DCDC2: variants seen among roughly 807,000 people sequenced by gnomAD.
The protein encoded by DCDC2 is doublecortin domain-containing protein 2.
DCDC2 carries 40 observed loss-of-function variants against 50.2 expected under a neutral mutation model. The ratio of observed to expected loss-of-function variants is 0.80; its 90% confidence interval spans 0.62 to 1.04. DCDC2 has a LOEUF of 1.04. Ranked by LOEUF, DCDC2 falls within the 50% of genes least tolerant of loss-of-function variation. The pLI is 0.00. For synonymous variants in DCDC2, 234 were observed against 210.6 expected (o/e 1.11, Z -0.96); for missense variants, 570 against 581.9 (o/e 0.98, Z 0.21).
At chr6:24,248,717 C>T (rs998955371) in intron 7 of DCDC2, among the ~76,000 whole-genome samples, 36 of 151,900 alleles carry the variant, frequency 2.4e-4, no homozygotes, top group Admixed American at 2.2e-3. Context: ...GATGACTTAC[C>T]CAGATGAAAA....
At chr6:24,348,975 A>C (rs1441595844) in intron 2 of DCDC2, among the ~76,000 whole-genome samples, 2 of 152,234 alleles carry the variant, frequency 1.3e-5, no homozygotes, top group African/African-American at 4.8e-5. Flanking sequence ...AACATGTACC[A>C]AAGCCCCTTA....
chr6:24,348,054 T>C (rs1297398968), intron 2 of DCDC2, among the ~76,000 whole-genome samples: 1 of 152,156 alleles, frequency 6.6e-6, no homozygotes, highest in Non-Finnish European at 1.5e-5. Context: ...AACTCTGATG[T>C]ATATGTTAAA....
chr6:24,267,173 GA>G (rs1382181970), intron 7 of DCDC2, among the ~76,000 whole-genome samples: 1 of 152,192 alleles, frequency 6.6e-6, no homozygotes, highest in Non-Finnish European at 1.5e-5. Flanking sequence ...TAGTGAGGGT[GA>G]GGAGTGGAGA....
chr6:24,359,044 T>C (rs867971488), upstream of DCDC2, among the ~76,000 whole-genome samples: 15 of 39,234 alleles, frequency 3.8e-4, no homozygotes, highest in East Asian at 6.8e-3. Context: ...TTATATATAT[T>C]ATATATTTTA....
intron 7 of DCDC2, among the ~76,000 whole-genome samples, chr6:24,240,374 A>G (rs1201293468): frequency 6.6e-6 from 1 of 152,206 alleles, no homozygotes. Flanking sequence ...GCATCATGCA[A>G]TTTATCTCCT....
intron 7 of DCDC2, among the ~76,000 whole-genome samples, chr6:24,243,701 C>A (rs186266196): frequency 5.9e-5 from 9 of 152,254 alleles, no homozygotes; most frequent in African/African-American, 2.2e-4. Context: ...TTGTCCCTGG[C>A]TACATGGCTG....
intron 2 of DCDC2, among the ~76,000 whole-genome samples, chr6:24,345,660 T>C (rs894841968): frequency 3.3e-5 from 5 of 152,204 alleles, no homozygotes; most frequent in African/African-American, 1.2e-4. Flanking sequence ...TGAGGCAGCA[T>C]TTCTCTGAAG....
chr6:24,248,522 T>C (rs1762733453), intron 7 of DCDC2, among the ~76,000 whole-genome samples: 1 of 152,218 alleles, frequency 6.6e-6, no homozygotes, highest in African/African-American at 2.4e-5. Context: ...AGTATTAGTA[T>C]TAGTATCATT....
chr6:24,358,454 G>A (rs576417223), upstream of DCDC2, among the ~76,000 whole-genome samples: 40 of 145,154 alleles, frequency 2.8e-4, no homozygotes, highest in Middle Eastern at 3.6e-3. Context: ...TCTCTATAAC[G>A]CGCCTGTGAT....
Position 24,353,575 on chromosome 6 carries a change from A to G in DCDC2, c.342T>C (p.Asn114=). Residue 114 remains asparagine, a synonymous_variant, in exon 2 of 10, where the codon AAT becomes AAC. Transcript: ENST00000378454. ...AAAATAATATTTGCATTACCTCTGT[A>G]TTAACAACTTCCATTGGTCTTTTCT... ...EIKKRPMEVV[N]TEVKPVIHSR... is the part of the protein sequence containing the mutation. 6.3e-7 allele frequency: 1 copy of G among 1,576,588 alleles called. No individual in the cohort carries two copies. Among genetic ancestry groups the G allele is most frequent in the Middle Eastern group, 1.7e-4 (1 of 5,934 alleles).
chr6:24,256,371 T>C (rs1335225261), intron 7 of DCDC2, among the ~76,000 whole-genome samples: 1 of 152,010 alleles, frequency 6.6e-6, no homozygotes, highest in African/African-American at 2.4e-5. Context: ...CTCTTTTGTA[T>C]GTACATTATA....
chr6:24,319,019 A>T (rs1759724574), intron 2 of DCDC2, among the ~76,000 whole-genome samples: 1 of 152,182 alleles, frequency 6.6e-6, no homozygotes, highest in Non-Finnish European at 1.5e-5. Flanking sequence ...TATTTTCCAC[A>T]GCAGTTGTAC....
At chr6:24,280,750 G>C (rs1561756340) in intron 6 of DCDC2, among the ~76,000 whole-genome samples, 2 of 152,046 alleles carry the variant, frequency 1.3e-5, no homozygotes, top group African/African-American at 4.8e-5. Context: ...ATGTTGACCA[G>C]GCTGATCTTG....
Position 24,198,506 on chromosome 6 carries a change from C to T in DCDC2, c.1023+6496G>A, listed in dbSNP as rs557628910. 1.4e-4 allele frequency among the ~76,000 whole-genome samples: 22 copies of T among 152,330 alleles called. No individual in the cohort carries two copies. In the South Asian group the frequency reaches 1.7e-3, roughly 11 times the overall value. ...TACATTTTCCCCACAGTCTTTGTGA[C>T]CCGCAGACCAGGAGATTCCCTCAGG... On this transcript the variant is annotated intron_variant, in intron 8 of 9. Coordinates refer to ENST00000378454, the MANE Select transcript of DCDC2 (RefSeq NM_016356.5).
At chr6:24,336,554 G>A (rs563731954) in intron 2 of DCDC2, among the ~76,000 whole-genome samples, 1 of 152,142 alleles carries the variant, frequency 6.6e-6, no homozygotes, top group Admixed American at 6.5e-5. Context: ...TTCACTCTAT[G>A]ATTACTTCTT....
chr6:24,228,960 G>C (rs2113781427), intron 7 of DCDC2, among the ~76,000 whole-genome samples: 1 of 152,276 alleles, frequency 6.6e-6, no homozygotes, highest in East Asian at 1.9e-4. Context: ...AGTGCTTTCT[G>C]GTTCTGTTTT....
intron 8 of DCDC2, among the ~76,000 whole-genome samples, chr6:24,197,128 C>A (rs1490074900): frequency 2.6e-5 from 4 of 152,254 alleles, no homozygotes; most frequent in South Asian, 4.2e-4. Context: ...TGATATTGCC[C>A]AGCTTTTACC....
the DCDC2 span, among the ~76,000 whole-genome samples, chr6:24,370,701 C>T: frequency 6.6e-6 from 1 of 152,066 alleles, no homozygotes; most frequent in Non-Finnish European, 1.5e-5. Flanking sequence ...CAAAGAGAGA[C>T]CCTGTCTCAA....
intron 2 of DCDC2, among the ~76,000 whole-genome samples, chr6:24,344,428 T>C (rs1036986594): frequency 1.3e-5 from 2 of 152,232 alleles, no homozygotes; most frequent in Admixed American, 6.5e-5. Context: ...GAACAGCTTA[T>C]CACTATAAAT....
Sources: gnomAD v4.1 joint callset for allele counts (sites outside exome capture counted in the v4.1 genomes callset) on GRCh38, gnomAD v4.1.1 for gene constraint, MANE v1.5 for transcripts, NCBI Gene and HGNC (gene_info 2026-07-23, HGNC 2026-07-21) for gene names.